STAU2: variants seen among roughly 807,000 people sequenced by gnomAD.
STAU2 encodes staufen double-stranded RNA binding protein 2, also known as double-stranded RNA-binding protein Staufen homolog 2.
A neutral mutation model predicts 65.9 loss-of-function variants in STAU2; 20 were observed. That is an observed-to-expected ratio of 0.30 (90% CI 0.21 to 0.44). The LOEUF is 0.44. STAU2 is among the 20% of genes least tolerant of loss of function. The pLI, the probability that STAU2 is intolerant of heterozygous loss-of-function variation, is 1.00. For synonymous variants in STAU2, 232 were observed against 233.9 expected, an observed-to-expected ratio of 0.99 and a Z score of 0.07; for missense variants, 558 against 683.9, an observed-to-expected ratio of 0.82 and a Z score of 2.05.
intron 3 of STAU2, among the ~76,000 whole-genome samples, chr8:73,718,529 G>A (rs1377822511): frequency 1.3e-5 from 2 of 152,148 alleles, no homozygotes; most frequent in Non-Finnish European, 2.9e-5. Context: ...ATCCCAGCTG[G>A]GTATATACAT....
intron 12 of STAU2, among the ~76,000 whole-genome samples, chr8:73,562,822 T>G (rs1315818337): frequency 6.6e-6 from 1 of 151,950 alleles, no homozygotes; most frequent in Non-Finnish European, 1.5e-5. Context: ...GTATAAATAT[T>G]AAGTACTGGG....
chr8:73,699,533 G>A lies in STAU2; in HGVS notation c.114+9499C>T, dbSNP rs1444466094. ...ATTCAAAGGATCGTTAGTGACTACCGTGAGCAACTATATGCCAAAAAATTG... is the reference window on the plus strand; with the variant it reads ...ATTCAAAGGATCGTTAGTGACTACCATGAGCAACTATATGCCAAAAAATTG... On this transcript the variant is annotated intron_variant, in intron 4 of 14. Coordinates refer to ENST00000524300, the MANE Select transcript of STAU2 (RefSeq NM_001164380.2). Among the ~76,000 whole-genome samples the A allele has an allele frequency of 4.6e-5, 7 of 151,908 alleles. No individual in the cohort carries two copies. The South Asian group carries it at 1.0e-3, about 22-fold the overall frequency.
chr8:73,471,571 C>A (rs1820018134), intron 13 of STAU2, among the ~76,000 whole-genome samples: 1 of 146,626 alleles, frequency 6.8e-6, no homozygotes, highest in African/African-American at 2.5e-5. Context: ...GTAATCCCAA[C>A]ACTTTGGGAG....
chr8:73,726,083 A>C (rs1359927671), intron 3 of STAU2, among the ~76,000 whole-genome samples: 3 of 151,888 alleles, frequency 2.0e-5, no homozygotes, highest in African/African-American at 7.3e-5. Context: ...AGTTTCTACT[A>C]AACAGAGAAC....
At chr8:73,573,458 C>T (rs1382566908) in intron 12 of STAU2, among the ~76,000 whole-genome samples, 1 of 152,134 alleles carries the variant, frequency 6.6e-6, no homozygotes, top group African/African-American at 2.4e-5. Context: ...AATCCTAAGC[C>T]AAAAGAACAA....
intron 13 of STAU2, among the ~76,000 whole-genome samples, chr8:73,520,511 G>C (rs1427090207): frequency 3.9e-5 from 6 of 152,174 alleles, no homozygotes; most frequent in African/African-American, 1.4e-4. Context: ...CCTTGCGGTT[G>C]ATTCCTCAAC....
rs998315681 is a variant in STAU2, at chr8:73,420,486, G to A, written c.*886C>T. ...AACAGGTTTTTCCCTTCCCCGTCAT[G>A]TACATTATTTATTTTTGATCCTACT... On this transcript the variant is annotated 3_prime_UTR_variant, in exon 15 of 15. Transcript: ENST00000524300. The A allele has an allele frequency of 1.9e-4, 49 of 262,108 alleles. No individual in the cohort carries two copies. Among genetic ancestry groups the A allele is most frequent in the Admixed American group, 1.8e-4 (4 of 22,782 alleles). 16.2% of individuals were successfully genotyped at this position (262,108 alleles called of 1,614,324 possible).
At chr8:73,523,939 T>C (rs1823203568) in intron 13 of STAU2, among the ~76,000 whole-genome samples, 1 of 152,124 alleles carries the variant, frequency 6.6e-6, no homozygotes, top group Admixed American at 6.6e-5. Context: ...CCCAGCACTT[T>C]GGGACGCTGA....
intron 6 of STAU2, among the ~76,000 whole-genome samples, chr8:73,650,091 T>C (rs907071898): frequency 2.2e-4 from 34 of 151,644 alleles, no homozygotes; most frequent in Admixed American, 5.3e-4. Context: ...GACACTGGAC[T>C]TCCAGATATG....
chr8:73,527,674 G>A, intron 13 of STAU2: 1 of 1,527,656 alleles, frequency 6.5e-7, no homozygotes, highest in South Asian at 1.2e-5. Context: ...CAGCAAAATG[G>A]CAGTGGCATA....
At chr8:73,444,990 C>T (rs552149277) in intron 13 of STAU2, among the ~76,000 whole-genome samples, 7 of 152,232 alleles carry the variant, frequency 4.6e-5, no homozygotes, top group Admixed American at 2.0e-4. Flanking sequence ...CTAGAAGGAG[C>T]GCCTAGATGG....
intron 5 of STAU2, 112 bp from the exon 6 acceptor site, chr8:73,673,354 G>A: frequency 9.4e-7 from 1 of 1,061,846 alleles, no homozygotes; most frequent in Non-Finnish European, 1.2e-6. Context: ...AGAATGGATG[G>A]ACCACCTGTA....
intron 13 of STAU2, among the ~76,000 whole-genome samples, chr8:73,521,025 C>T (rs1209019697): frequency 1.3e-5 from 2 of 152,058 alleles, no homozygotes; most frequent in Non-Finnish European, 2.9e-5. Context: ...AAGACCATCT[C>T]GTACTGCAAA....
chr8:73,650,427 A>G (rs1234171694), intron 6 of STAU2, among the ~76,000 whole-genome samples: 1 of 152,186 alleles, frequency 6.6e-6, no homozygotes, highest in East Asian at 1.9e-4. Flanking sequence ...AAAAATGTAT[A>G]TGTGTGTGGA....
intron 13 of STAU2, among the ~76,000 whole-genome samples, chr8:73,549,288 T>A (rs559102536): frequency 4.6e-5 from 7 of 152,272 alleles, no homozygotes; most frequent in African/African-American, 1.7e-4. Context: ...TAATACTTGA[T>A]AAAACTTGAA....
intron 3 of STAU2, among the ~76,000 whole-genome samples, chr8:73,725,231 C>T (rs1284497048): frequency 2.0e-5 from 3 of 152,098 alleles, no homozygotes; most frequent in African/African-American, 7.2e-5. Flanking sequence ...TTCCTTTCTT[C>T]AACTTTATCT....
intron 6 of STAU2, 124 bp downstream of exon 6, chr8:73,672,982 TA>T: frequency 1.1e-6 from 1 of 895,488 alleles, no homozygotes; most frequent in Non-Finnish European, 1.5e-6. Context: ...CTGCTTTATC[TA>T]AATTCCATGC....
intron 11 of STAU2, among the ~76,000 whole-genome samples, chr8:73,583,501 T>C (rs1586057930): frequency 6.6e-6 from 1 of 152,100 alleles, no homozygotes; most frequent in East Asian, 1.9e-4. Flanking sequence ...AATGCTTAAG[T>C]GACCAAAAGA....
At chr8:73,437,949 C>T (rs2891349) in intron 13 of STAU2, among the ~76,000 whole-genome samples, 10 of 152,292 alleles carry the variant, frequency 6.6e-5, no homozygotes, top group South Asian at 2.1e-4. Context: ...GTTACTCCTC[C>T]GCTCTGTGCT....
Sources: allele counts gnomAD v4.1 joint callset (sites outside exome capture counted in the v4.1 genomes callset), GRCh38; gene constraint gnomAD v4.1.1; transcripts MANE v1.5; gene names NCBI Gene and HGNC (gene_info 2026-07-23, HGNC 2026-07-21).